Variants in PFKFB2 observed in about 807,000 individuals in gnomAD.
The protein encoded by PFKFB2 is 6-phosphofructo-2-kinase/fructose-2,6-biphosphatase 2, also known as 6-phosphofructo-2-kinase/fructose-2,6-bisphosphatase 2.
A neutral mutation model predicts 68.0 loss-of-function variants in PFKFB2; 53 were observed. The observed-to-expected ratio is 0.78, with a 90% confidence interval of 0.63 to 0.98. The LOEUF (loss-of-function observed/expected upper bound fraction) is 0.98. Ranked by LOEUF, PFKFB2 falls within the 50% of genes least tolerant of loss-of-function variation. The pLI, the probability that PFKFB2 is intolerant of heterozygous loss-of-function variation, is 0.00. For synonymous variants in PFKFB2, 222 were observed against 227.6 expected, an observed-to-expected ratio of 0.98 and a Z score of 0.22; for missense variants, 451 against 642.0, an observed-to-expected ratio of 0.70 and a Z score of 3.22.
rs563308936 is a variant in PFKFB2, at chr1:207,042,999, T to C, written c.-18+787T>C. On this transcript the variant is annotated intron_variant, in intron 2 of 5. Coordinates refer to the PFKFB2 transcript ENST00000545806. ...TAATGGTTCATTTAAACCACCATGG[T>C]GATAGCCACGATTCCCAAACTTTTT... is the stretch of plus-strand genomic sequence containing the variant. Among the ~76,000 whole-genome samples the C allele has an allele frequency of 1.9e-3, 288 of 152,090 alleles. 1 individual carries two copies. The highest frequency in any genetic ancestry group is 6.7e-3 in the African/African-American group (277 of 41,490).
rs370240765 is a variant in PFKFB2 at position 207,062,719 on chromosome 1, G to A, written c.308+3G>A. The A allele has an allele frequency of 3.4e-4, 554 of 1,613,512 alleles. 5 individuals are homozygous for A. The South Asian group carries it at 5.6e-3, about 16-fold the overall frequency. ...GAGGAGGCCATGAAGATCCGCAAGT[G>A]AGTCTTGTTTAAGGCCTGATCTCCA... On this transcript the variant is annotated splice_donor_region_variant and intron_variant, in intron 4 of 14. Coordinates refer to ENST00000367080, the MANE Select transcript of PFKFB2 (RefSeq NM_006212.2).
chr1:207,073,442 A>C lies in PFKFB2; in HGVS notation c.*1071A>C. ...CACTGATGTTTGAGTTGCTCAAGGC[A>C]AGAGGCAGAGAAGAGTTCACTAAAA... On this transcript the variant is annotated 3_prime_UTR_variant, in exon 15 of 15. Transcript: ENST00000367080. 3 of 985,478 alleles carry C rather than the reference A, an allele frequency of 3.0e-6. No individual in the cohort carries two copies. Among genetic ancestry groups the C allele is most frequent in the Non-Finnish European group, 3.6e-6 (3 of 829,922 alleles). 61.0% of individuals were successfully genotyped at this position (985,478 alleles called of 1,614,324 possible).
Position 207,063,886 on chromosome 1 carries a change from G to GTGT in PFKFB2, c.507+57_507+58insTGT. On this transcript the variant is annotated intron_variant, in intron 7 of 14. Coordinates refer to ENST00000367080, the MANE Select transcript of PFKFB2 (RefSeq NM_006212.2). The surrounding 1 kb of genome is among the most constrained non-coding windows in gnomAD (Gnocchi z 4.1). ...TCACCTTTTGTGCTGTGTGTGTTGTGGGGTGTGTGTGTGTGTGTGTGTGTG... is the reference window on the plus strand; with the variant it reads ...TCACCTTTTGTGCTGTGTGTGTTGTGTGTGGGTGTGTGTGTGTGTGTGTGTGTG... 1 of 849,576 alleles carries GTGT rather than the reference G, an allele frequency of 1.2e-6. No homozygotes were observed. The highest frequency in any genetic ancestry group is 1.8e-6 in the Non-Finnish European group (1 of 555,592). The allele number at this position is 849,576 out of a possible 1,614,324, so 52.6% of individuals were successfully genotyped here.
At position 207,070,375 on chromosome 1, in the gene PFKFB2, C is replaced by G. The variant is rs761188201; in HGVS notation, c.1188C>G (p.Arg396=). Residue 396 remains arginine (R), a synonymous_variant, in exon 12 of 15, where the codon CGC becomes CGG. Transcript: ENST00000367080. This position sits in a 1 kb window ranked among gnomAD's most constrained non-coding sequence, Gnocchi z 4.2. ...TCATCTCCCACCAGGCTGTCATGCG[C>G]TGCCTCCTGGCCTACTTCTTGGATA... The part of the protein sequence containing the change: ...VLVISHQAVM[R]CLLAYFLDKG... The G allele has an allele frequency of 6.2e-7, 1 of 1,614,004 alleles. No homozygotes were observed. The highest frequency in any genetic ancestry group is 8.5e-7 in the Non-Finnish European group (1 of 1,180,002).
intron 1 of PFKFB2, among the ~76,000 whole-genome samples, chr1:207,054,059 A>G (rs1253427058): frequency 6.6e-6 from 1 of 151,460 alleles, no homozygotes; most frequent in Non-Finnish European, 1.5e-5. Flanking sequence ...GCGCACCACC[A>G]GGCCCGGCTA....
upstream of PFKFB2, among the ~76,000 whole-genome samples, chr1:207,050,345 G>A (rs1280486847): frequency 2.6e-5 from 4 of 152,094 alleles, no homozygotes; most frequent in African/African-American, 9.7e-5. Context: ...GGTGATATAG[G>A]GAAAAAGAGA....
rs57077682 is a variant in PFKFB2 at position 207,042,549 on chromosome 1, C to CAAAAAAAAAAAAA, written c.-18+357_-18+369dup. 2.2e-3 allele frequency among the ~76,000 whole-genome samples: 98 copies of CAAAAAAAAAAAAA among 44,710 alleles called. 15 individuals are homozygous for CAAAAAAAAAAAAA. Among genetic ancestry groups the CAAAAAAAAAAAAA allele is most frequent in the East Asian group, 7.9e-3 (6 of 758 alleles). The allele number at this position is 44,710 out of a possible 152,430, so 29.3% of individuals were successfully genotyped here. A position where few individuals can be genotyped will look rare whatever the true frequency, so the allele number is the denominator to read the frequency against. On this transcript the variant is annotated intron_variant, in intron 2 of 5. Coordinates refer to the PFKFB2 transcript ENST00000545806. ...GGCGACACAGCAACACTCTGTCTCA[C>CAAAAAAAAAAAAA]AAAAAAAAAAAAAAAAAAAAAAAAA...
rs746366762 is a variant in PFKFB2 at position 207,070,454 on chromosome 1, G to A, written c.1222+45G>A. 2 of 1,597,594 alleles carry A rather than the reference G, an allele frequency of 1.3e-6. No individual in the cohort carries two copies. Among genetic ancestry groups the A allele is most frequent in the South Asian group, 2.2e-5 (2 of 89,772 alleles). On this transcript the variant is annotated intron_variant, in intron 12 of 14. Transcript: ENST00000367080. This position sits in a 1 kb window ranked among gnomAD's most constrained non-coding sequence, Gnocchi z 4.2. ...TGGGAGACACATCCAGTGGGAGAGGGCTGGACTTGCAGTGGCACCAGGATT... is the reference window on the plus strand; with the variant it reads ...TGGGAGACACATCCAGTGGGAGAGGACTGGACTTGCAGTGGCACCAGGATT...
intron 1 of PFKFB2, among the ~76,000 whole-genome samples, chr1:207,036,829 A>C (rs1034981588): frequency 5.9e-5 from 9 of 152,240 alleles, no homozygotes; most frequent in African/African-American, 2.2e-4. Context: ...TTCTCCTAAA[A>C]TAATTCCCAT....
At chr1:207,069,095 T>TCTCC (rs1683392130) in intron 10 of PFKFB2, among the ~76,000 whole-genome samples, 1 of 152,156 alleles carries the variant, frequency 6.6e-6, no homozygotes, top group South Asian at 2.1e-4. Flanking sequence ...TCATGCAAGG[T>TCTCC]CTCCAGTCCC....
At chr1:207,061,165 T>TTATATATATATA (rs201702529) in intron 2 of PFKFB2, among the ~76,000 whole-genome samples, 220 of 45,038 alleles carry the variant, frequency 4.9e-3, no homozygotes, top group South Asian at 0.018. Context: ...ATATATATCT[T>TTATATATATATA]TATATATATA....
chr1:207,069,985 C>T (rs1425349528), intron 11 of PFKFB2, among the ~76,000 whole-genome samples: 1 of 150,934 alleles, frequency 6.6e-6, no homozygotes, highest in Admixed American at 6.6e-5. Flanking sequence ...AGTCTCTTGT[C>T]TCACTGCCTG....
intron 8 of PFKFB2, 23 bp downstream of exon 8, chr1:207,065,183 G>C (rs780650771): frequency 2.5e-5 from 40 of 1,612,738 alleles, no homozygotes; most frequent in Non-Finnish European, 3.3e-5. Flanking sequence ...GCCATGGTTT[G>C]AAGGGCCCAA....
At chr1:207,064,985 C>G in intron 7 of PFKFB2, 51 bp from the exon 8 acceptor site, 4 of 1,566,218 alleles carry the variant, frequency 2.6e-6, no homozygotes, top group Non-Finnish European at 3.5e-6. Flanking sequence ...TGTAGGAGGA[C>G]TGTTACGGGC....
At chr1:207,054,590 T>G (rs1029765761) in intron 1 of PFKFB2, 111 bp from the exon 2 acceptor site, 12 of 648,728 alleles carry the variant, frequency 1.8e-5, no homozygotes, top group Non-Finnish European at 2.9e-5. Flanking sequence ...AACCTGCCTC[T>G]TGGCCCAGGG....
At chr1:207,057,322 A>G (rs1003515272) in intron 2 of PFKFB2, among the ~76,000 whole-genome samples, 1 of 148,670 alleles carries the variant, frequency 6.7e-6, no homozygotes, top group African/African-American at 2.5e-5. Context: ...AAAAAAAAAA[A>G]AAAAAACTAG....
Position 207,035,525 on chromosome 1 carries a change from G to A in PFKFB2, c.-62+1053G>A, listed in dbSNP as rs531297320. ...AAAAATTAGCCAGGTATGGCAGTGC[G>A]CACCTGCAGTCCCAGGTGCTCGTGG... On this transcript the variant is annotated intron_variant, in intron 1 of 5. Coordinates refer to the PFKFB2 transcript ENST00000545806. Among the ~76,000 whole-genome samples the A allele has an allele frequency of 1.4e-3, 207 of 152,180 alleles. 1 individual carries two copies. Among genetic ancestry groups the A allele is most frequent in the African/African-American group, 4.8e-3 (199 of 41,510 alleles).
At chr1:207,065,188 G>T in intron 8 of PFKFB2, 28 bp downstream of exon 8, 1 of 1,611,518 alleles carries the variant, frequency 6.2e-7, no homozygotes, top group Non-Finnish European at 8.5e-7. Context: ...GGTTTGAAGG[G>T]CCCAAGGCAA....
At chr1:207,067,395 G>T in intron 8 of PFKFB2, 104 bp from the exon 9 acceptor site, 1 of 748,422 alleles carries the variant, frequency 1.3e-6, no homozygotes, top group Non-Finnish European at 2.3e-6. Flanking sequence ...AGGGGAGGAA[G>T]AGCAGCTGTG....
Sources: allele counts gnomAD v4.1 joint callset (sites outside exome capture counted in the v4.1 genomes callset), GRCh38; gene constraint gnomAD v4.1.1; non-coding constraint Gnocchi (gnomAD v3.1); transcripts MANE v1.5; gene names NCBI Gene and HGNC (gene_info 2026-07-23, HGNC 2026-07-21).